Variants in ZNF407 observed in about 807,000 individuals in gnomAD.
The protein encoded by ZNF407 is zinc finger protein 407.
Under a neutral mutation model 131.2 loss-of-function variants are expected in ZNF407, and 17 were observed. That is an observed-to-expected ratio of 0.13 (90% CI 0.09 to 0.19). The LOEUF (loss-of-function observed/expected upper bound fraction) is 0.19, where lower values mean the gene tolerates loss of function less well. Ranked by LOEUF, ZNF407 falls within the 10% of genes least tolerant of loss-of-function variation. The probability of loss-of-function intolerance (pLI) is 1.00; values close to 1 mark genes in which losing one functional copy is unlikely to be tolerated. For synonymous variants in ZNF407, 1,156 were observed against 1,062.0 expected (o/e 1.09, Z -1.72); for missense variants, 2,681 against 2,830.6 (o/e 0.95, Z 1.20).
intron 8 of ZNF407, among the ~76,000 whole-genome samples, chr18:75,001,406 AC>A (rs1409470943): frequency 6.6e-6 from 1 of 152,180 alleles, no homozygotes; most frequent in Non-Finnish European, 1.5e-5. Context: ...GGGGGAGAAG[AC>A]CTTTCTCTGT....
At chr18:74,743,189 A>G (rs1485614621) in intron 3 of ZNF407, among the ~76,000 whole-genome samples, 2 of 152,196 alleles carry the variant, frequency 1.3e-5, no homozygotes, top group African/African-American at 4.8e-5. Flanking sequence ...TAGGGATTAC[A>G]ATGTGGGAGG....
chr18:75,057,279 C>T (rs959515348), intron 8 of ZNF407, among the ~76,000 whole-genome samples: 32 of 152,162 alleles, frequency 2.1e-4, no homozygotes, highest in South Asian at 4.1e-4. Context: ...GATATTAGCA[C>T]AGGCTTTTGT....
intron 3 of ZNF407, among the ~76,000 whole-genome samples, chr18:74,727,719 G>A (rs1197454730): frequency 2.0e-5 from 3 of 152,204 alleles, no homozygotes; most frequent in African/African-American, 7.2e-5. Flanking sequence ...CAGATAGCAA[G>A]TCGCCATGCG....
chr18:74,781,556 G>A, intron 4 of ZNF407, 54 bp downstream of exon 4: 1 of 1,356,592 alleles, frequency 7.4e-7, no homozygotes, highest in Non-Finnish European at 9.9e-7. Flanking sequence ...TTTTATTTTA[G>A]GCTTTATTTA....
intron 8 of ZNF407, among the ~76,000 whole-genome samples, chr18:74,932,545 A>G (rs1157358928): frequency 2.0e-5 from 3 of 152,156 alleles, no homozygotes; most frequent in African/African-American, 4.8e-5. Context: ...TGGCTCTTCT[A>G]TGTCCTGAAT....
chr18:74,664,783 T>C (rs11876453), intron 3 of ZNF407, among the ~76,000 whole-genome samples: 4,079 of 152,208 alleles, frequency 0.027, 167 homozygotes, highest in African/African-American at 0.087. Context: ...CCAGTGCATC[T>C]GTTTTTGGCG....
At chr18:74,926,846 CTTT>C (rs1971920304) in intron 8 of ZNF407, among the ~76,000 whole-genome samples, 1 of 152,148 alleles carries the variant, frequency 6.6e-6, no homozygotes, top group African/African-American at 2.4e-5. Context: ...TACATTTAAT[CTTT>C]TTAAGAATAA....
intron 3 of ZNF407, among the ~76,000 whole-genome samples, chr18:74,759,805 CT>C (rs960284561): frequency 7.8e-4 from 107 of 138,050 alleles, no homozygotes; most frequent in Non-Finnish European, 1.0e-3. Context: ...TTATATTTTC[CT>C]TTTTTTTTTT....
chr18:74,810,112 G>A (rs745659655), intron 4 of ZNF407, among the ~76,000 whole-genome samples: 35 of 152,206 alleles, frequency 2.3e-4, no homozygotes, highest in African/African-American at 7.5e-4. Flanking sequence ...AATTGTAGAA[G>A]TGAAGGTAGA....
At chr18:74,638,998 C>A (rs1984589870) in intron 2 of ZNF407, among the ~76,000 whole-genome samples, 1 of 152,062 alleles carries the variant, frequency 6.6e-6, no homozygotes, top group East Asian at 1.9e-4. Context: ...TTAACACAGT[C>A]TACTCTGAAT....
chr18:74,694,714 G>A (rs899173949), intron 3 of ZNF407, among the ~76,000 whole-genome samples: 7 of 151,958 alleles, frequency 4.6e-5, no homozygotes, highest in Non-Finnish European at 8.8e-5. Context: ...TCTTCTTCTC[G>A]TCCTATTCTG....
chr18:74,758,455 C>A (rs1969014748), intron 3 of ZNF407, among the ~76,000 whole-genome samples: 2 of 152,094 alleles, frequency 1.3e-5, no homozygotes, highest in African/African-American at 4.8e-5. Context: ...TTCCTCACCC[C>A]CTACTTTGTC....
chr18:74,861,026 G>A (rs1274046602), intron 4 of ZNF407, among the ~76,000 whole-genome samples: 1 of 152,128 alleles, frequency 6.6e-6, no homozygotes, highest in African/African-American at 2.4e-5. Flanking sequence ...TACCTTGGGA[G>A]CAGTCACCTT....
chr18:74,720,451 T>C (rs1360970654), intron 3 of ZNF407, among the ~76,000 whole-genome samples: 1 of 152,038 alleles, frequency 6.6e-6, no homozygotes, highest in Non-Finnish European at 1.5e-5. Flanking sequence ...ATTCTGTAGG[T>C]TGTCTTTTCA....
intron 3 of ZNF407, among the ~76,000 whole-genome samples, chr18:74,689,577 A>G (rs548501862): frequency 4.4e-4 from 67 of 152,262 alleles, no homozygotes; most frequent in African/African-American, 1.6e-3. Context: ...TTTTATGTTT[A>G]TGTGTTCTGA....
intron 2 of ZNF407, among the ~76,000 whole-genome samples, chr18:74,640,702 A>G (rs988289996): frequency 6.6e-6 from 1 of 152,188 alleles, no homozygotes; most frequent in Admixed American, 6.5e-5. Flanking sequence ...TTTGTGAATT[A>G]TAAGAAAAAT....
intron 4 of ZNF407, among the ~76,000 whole-genome samples, chr18:74,830,678 G>A (rs375664488): frequency 2.0e-5 from 3 of 152,148 alleles, no homozygotes; most frequent in Non-Finnish European, 2.9e-5. Flanking sequence ...TGTATGTAGT[G>A]TATGGTGTAA....
intron 7 of ZNF407, among the ~76,000 whole-genome samples, chr18:74,914,261 G>A (rs1568267188): frequency 6.6e-6 from 1 of 152,232 alleles, no homozygotes; most frequent in Non-Finnish European, 1.5e-5. Context: ...TCAGCGGAAA[G>A]CCTGGTGACA....
At chr18:74,773,386 G>GTAGTAAGTAACACCTTTACACT (rs1568209206) in intron 3 of ZNF407, among the ~76,000 whole-genome samples, 1 of 140,020 alleles carries the variant, frequency 7.1e-6, no homozygotes, top group African/African-American at 3.1e-5. Flanking sequence ...GCTTAAAGAA[G>GTAGTAAGTAACACCTTTACACT]AAATTGACAA....
Sources: allele counts gnomAD v4.1 joint callset (sites outside exome capture counted in the v4.1 genomes callset), GRCh38; gene constraint gnomAD v4.1.1; transcripts MANE v1.5; gene names NCBI Gene and HGNC (gene_info 2026-07-23, HGNC 2026-07-21).